Variants in ARHGEF1 observed in about 807,000 individuals in gnomAD.
ARHGEF1 encodes Rho guanine nucleotide exchange factor 1.
In ARHGEF1, 40 loss-of-function variants were observed where a neutral mutation model predicts 119.7. That is an observed-to-expected ratio of 0.33 (90% CI 0.26 to 0.44). ARHGEF1 has a LOEUF of 0.44. Among genes scored for constraint, ARHGEF1 ranks in the 20% least tolerant of loss-of-function variants. ARHGEF1 has a pLI of 1.00. For missense variants in ARHGEF1, 976 were observed against 1,268.3 expected (o/e 0.77, Z 3.50); for synonymous variants, 494 against 521.0 (o/e 0.95, Z 0.71).
chr19:41,894,300 GA>G lies in ARHGEF1; in HGVS notation c.743del (p.Lys248ArgfsTer2), dbSNP rs781910454. 1.4e-5 allele frequency: 22 copies of G among 1,554,080 alleles called. No individual in the cohort carries two copies. The highest frequency in any genetic ancestry group is 6.0e-5 in the South Asian group (5 of 82,890). On this transcript the variant is annotated frameshift_variant, in exon 9 of 29. Coordinates refer to ENST00000354532, the MANE Select transcript of ARHGEF1 (RefSeq NM_004706.4). LOFTEE classifies it high-confidence loss of function. ...DKKSGRNFFR[K>X]KVMGNRRSDE... is the part of the protein sequence containing the mutation. The stretch of plus-strand genomic sequence containing the variant: ...AGAAGTCGGGGAGGAACTTCTTCCG[GA>G]AAAAGGTGCTTCCCTCAGTGCCCCG...
chr19:41,888,343 C>A lies in ARHGEF1; in HGVS notation c.111+65C>A. ...CAGTGTCCCGCCCCAGGTCCCCTCC[C>A]ACCTGCAGATGCTGTCTTCTTGGCC... is the stretch of plus-strand genomic sequence containing the variant. On this transcript the variant is annotated intron_variant, in intron 3 of 28. Transcript: ENST00000354532. This position sits in a 1 kb window ranked among gnomAD's most constrained non-coding sequence, Gnocchi z 5.1. 1 of 1,495,924 alleles carries A rather than the reference C, an allele frequency of 6.7e-7. No homozygotes were observed. Among genetic ancestry groups the A allele is most frequent in the Middle Eastern group, 1.7e-4 (1 of 5,754 alleles). 92.7% of individuals were successfully genotyped at this position (1,495,924 alleles called of 1,614,324 possible). A position where few individuals can be genotyped will look rare whatever the true frequency, so the allele number is the denominator to read the frequency against.
chr19:41,901,907 G>A lies in ARHGEF1; in HGVS notation c.1288G>A (p.Ala430Thr), dbSNP rs1555849073. 6 of 1,611,546 alleles carry A rather than the reference G, an allele frequency of 3.7e-6. No individual in the cohort carries two copies. In the East Asian group the frequency reaches 1.3e-4, roughly 36 times the overall value. ...VISELLVTEA[A>T]HVRMLRVLHD... is the part of the protein sequence containing the mutation. ...TGCAGAGCTGCTGGTGACAGAGGCG[G>A]CCCACGTGCGCATGCTGCGGGTGCT... Residue 430 changes from alanine (A) to threonine (T), a missense_variant, in exon 15 of 29, where the codon GCC becomes ACC. Ala to Thr is a moderately conservative substitution (Grantham distance 58). Transcript: ENST00000354532.
At chr19:41,885,866 T>C (rs1452619311) in intron 1 of ARHGEF1, among the ~76,000 whole-genome samples, 4 of 152,114 alleles carry the variant, frequency 2.6e-5, no homozygotes, top group Non-Finnish European at 5.9e-5. Context: ...GATCCTCTCA[T>C]CTTAGCCTCC....
At chr19:41,898,954 A>C in intron 14 of ARHGEF1, among the ~76,000 whole-genome samples, 1 of 152,184 alleles carries the variant, frequency 6.6e-6, no homozygotes, top group South Asian at 2.1e-4. Flanking sequence ...TGTTTAGCAT[A>C]GTGCTGGGCA....
chr19:41,905,806 C>G lies in ARHGEF1; in HGVS notation c.2383C>G (p.Arg795Gly). Reference sequence around the variant, plus strand: ...CAGCTCTGAGAACGGCAATGGTGGCCGAGAGACGTCTCCAGCTGATGGTGA... The same window carrying G: ...CAGCTCTGAGAACGGCAATGGTGGCGGAGAGACGTCTCCAGCTGATGGTGA... The part of the protein sequence containing the change: ...LSSSENGNGG[R>G]ETSPADARTE... Residue 795 changes from arginine (R) to glycine (G), a missense_variant, in exon 25 of 29, where the codon CGA becomes GGA. By Grantham distance (125) the Arg-to-Gly change is moderately radical. This residue lies in a region of ARHGEF1 where 171 missense variants were observed against 180.6 expected (regional missense o/e 0.95). Coordinates refer to ENST00000354532, the MANE Select transcript of ARHGEF1 (RefSeq NM_004706.4). The surrounding 1 kb of genome is among the most constrained non-coding windows in gnomAD (Gnocchi z 6.4). The G allele has an allele frequency of 6.2e-7, 1 of 1,614,120 alleles. No individual in the cohort carries two copies. The highest frequency in any genetic ancestry group is 8.5e-7 in the Non-Finnish European group (1 of 1,180,008).
chr19:41,885,752 G>A (rs1285363040), intron 1 of ARHGEF1, among the ~76,000 whole-genome samples: 1 of 151,662 alleles, frequency 6.6e-6, no homozygotes, highest in Non-Finnish European at 1.5e-5. Context: ...GAGCCACCGT[G>A]CCTAGCCTAT....
At position 41,888,946 on chromosome 19, in the gene ARHGEF1, G is replaced by A; in HGVS notation, c.225+81G>A. ...TTTAGCGAATTAAACCAGCGAGCTA[G>A]TGCCTGGAGGGTCTGGAAAAGCAGA... On this transcript the variant is annotated intron_variant, in intron 4 of 28. Transcript: ENST00000354532. This position sits in a 1 kb window ranked among gnomAD's most constrained non-coding sequence, Gnocchi z 5.1. The A allele has an allele frequency of 1.7e-6, 2 of 1,172,704 alleles. No individual in the cohort carries two copies. The highest frequency in any genetic ancestry group is 2.4e-6 in the Non-Finnish European group (2 of 824,388). 72.6% of individuals were successfully genotyped at this position (1,172,704 alleles called of 1,614,324 possible).
At chr19:41,885,615 C>G (rs927473190) in intron 1 of ARHGEF1, among the ~76,000 whole-genome samples, 2 of 152,156 alleles carry the variant, frequency 1.3e-5, no homozygotes, top group Admixed American at 1.3e-4. Context: ...GCTCGTGCCA[C>G]CACGCCCAGC....
intron 18 of ARHGEF1, among the ~76,000 whole-genome samples, chr19:41,915,242 G>GCCCT (rs2074793670): frequency 6.7e-6 from 1 of 149,004 alleles, no homozygotes; most frequent in Non-Finnish European, 1.5e-5. Context: ...AGGAGCCGTG[G>GCCCT]GATCGGCGCT....
intron 2 of ARHGEF1, among the ~76,000 whole-genome samples, chr19:41,929,463 C>T (rs1388661531): frequency 1.3e-5 from 2 of 152,212 alleles, no homozygotes; most frequent in African/African-American, 2.4e-5. Flanking sequence ...CGACCAGCCT[C>T]AGGGCGGGTC....
chr19:41,918,833 C>A (rs1200538336), upstream of ARHGEF1, among the ~76,000 whole-genome samples: 1 of 150,624 alleles, frequency 6.6e-6, no homozygotes, highest in Non-Finnish European at 1.5e-5. Flanking sequence ...ACATACGCCA[C>A]ACATGCTACA....
In ARHGEF1 at chr19:41,896,486, C is replaced by A. The variant is rs782411407; in HGVS notation, c.1121+4C>A. On this transcript the variant is annotated splice_donor_region_variant and intron_variant, in intron 13 of 28. Transcript: ENST00000354532. ...ACGAGGGGGCCGAAACCGAGAGGTG[C>A]CCAGGCTGGGGTGCAGGGGCGGGAG... 3.4e-6 allele frequency: 5 copies of A among 1,488,036 alleles called. No individual in the cohort carries two copies. Among genetic ancestry groups the A allele is most frequent in the East Asian group, 2.5e-5 (1 of 40,464 alleles). 92.2% of individuals were successfully genotyped at this position (1,488,036 alleles called of 1,614,324 possible).
chr19:41,930,013 T>C (rs1044163388), exon 3 of ARHGEF1: 7 of 152,206 alleles, frequency 4.6e-5, no homozygotes, highest in Non-Finnish European at 8.8e-5. Flanking sequence ...CCTAGAGTGG[T>C]TGGGAAGGTT....
intron 14 of ARHGEF1, chr19:41,900,943 A>G (rs1555848904): frequency 6.6e-6 from 1 of 150,432 alleles, no homozygotes; most frequent in Admixed American, 6.6e-5. Context: ...GGTGCCCACC[A>G]CCACTCCTGG....
rs781901059 is a variant in ARHGEF1 at position 41,904,382 on chromosome 19, C to T, written c.2160C>T (p.Thr720=). Residue 720 remains threonine, a splice_region_variant and synonymous_variant, in exon 22 of 29, where the codon ACC becomes ACT. Coordinates refer to ENST00000354532, the MANE Select transcript of ARHGEF1 (RefSeq NM_004706.4). The surrounding 1 kb of genome is among the most constrained non-coding windows in gnomAD (Gnocchi z 8.4). ...LTSAMTREVA[T]DHKAFYVLFT... ...CCGCCATGACCCGCGAGGTGGCCAC[C>T]GGTGAGTGCAGCCACTGCATGGCCC... 6 of 1,565,272 alleles carry T rather than the reference C, an allele frequency of 3.8e-6. No homozygotes were observed. The African/African-American group carries it at 4.1e-5, about 11-fold the overall frequency.
chr19:41,886,644 A>T (rs1162165224), intron 1 of ARHGEF1, among the ~76,000 whole-genome samples: 1 of 152,236 alleles, frequency 6.6e-6, no homozygotes, highest in Non-Finnish European at 1.5e-5. Flanking sequence ...CCAAGCTTAG[A>T]TATTGGACAA....
intron 14 of ARHGEF1, among the ~76,000 whole-genome samples, chr19:41,899,579 G>A (rs531346665): frequency 1.9e-3 from 276 of 147,874 alleles, no homozygotes; most frequent in Non-Finnish European, 3.1e-3. Context: ...GCACAATCTC[G>A]GCTCACCACA....
At chr19:41,923,275 G>C (rs1555852824) in intron 1 of ARHGEF1, 1 of 432,464 alleles carries the variant, frequency 2.3e-6, no homozygotes, top group Non-Finnish European at 4.7e-6. Flanking sequence ...ACTGTCAGAG[G>C]ACAGAGCAAG....
chr19:41,922,769 G>A (rs1275390629), upstream of ARHGEF1, among the ~76,000 whole-genome samples: 3 of 152,172 alleles, frequency 2.0e-5, no homozygotes, highest in Admixed American at 6.5e-5. Flanking sequence ...CATCAGGCGC[G>A]GTGCTAATTC....
Sources: gnomAD v4.1 joint callset for allele counts (sites outside exome capture counted in the v4.1 genomes callset) on GRCh38, gnomAD v4.1.1 for gene constraint, gnomAD v4.1.1 regional missense constraint, Gnocchi (gnomAD v3.1) non-coding constraint, MANE v1.5 for transcripts, NCBI Gene and HGNC (gene_info 2026-07-23, HGNC 2026-07-21) for gene names.